CTR9: variants seen among roughly 807,000 people sequenced by gnomAD.
CTR9 encodes the protein RNA polymerase-associated protein CTR9 homolog.
In CTR9, 41 loss-of-function variants were observed where a neutral mutation model predicts 152.1. The observed-to-expected ratio is 0.27, with a 90% CI of 0.21 to 0.35. CTR9 has a LOEUF of 0.35. Among genes scored for constraint, CTR9 ranks in the 10% least tolerant of loss-of-function variants. CTR9 has a pLI of 1.00. For synonymous variants in CTR9, 476 were observed against 496.2 expected, an observed-to-expected ratio of 0.96 and a Z score of 0.54; for missense variants, 917 against 1,424.4, an observed-to-expected ratio of 0.64 and a Z score of 5.73.
At position 10,752,789 on chromosome 11, in the gene CTR9, A is replaced by G. The variant is rs1269116718; in HGVS notation, c.144+19A>G. 6.3e-7 allele frequency: 1 copy of G among 1,583,426 alleles called. No homozygotes were observed. The highest frequency in any genetic ancestry group is 1.7e-5 in the Admixed American group (1 of 58,752). ...TTTGGCGGTCAGTATTCATGTAGCA[A>G]ATATTTTTTATTTGTTGACTAGGAA... On this transcript the variant is annotated intron_variant, in intron 2 of 24. Transcript: ENST00000361367.
chr11:10,752,567 C>T (rs1382575611), intron 1 of CTR9, 105 bp from the exon 2 acceptor site: 4 of 761,530 alleles, frequency 5.3e-6, no homozygotes, highest in East Asian at 2.5e-5. Flanking sequence ...AAAGTGAACA[C>T]GTACTCTATG....
intron 9 of CTR9, 88 bp downstream of exon 9, chr11:10,763,967 A>G: frequency 2.3e-6 from 3 of 1,328,758 alleles, no homozygotes; most frequent in South Asian, 1.3e-5. Flanking sequence ...TAGTAGAAAT[A>G]TGATAGAAAC....
In CTR9 at chr11:10,779,262, T is replaced by C; in HGVS notation, c.*157T>C. On this transcript the variant is annotated 3_prime_UTR_variant, in exon 25 of 25. Transcript: ENST00000361367. ...TATATTACTAAGCCCCAAGAGACATTTCCTGTGCTAGAGTCCAATATTTGA... is the reference window on the plus strand; with the variant it reads ...TATATTACTAAGCCCCAAGAGACATCTCCTGTGCTAGAGTCCAATATTTGA... 1 of 686,178 alleles carries C rather than the reference T, an allele frequency of 1.5e-6. No homozygotes were observed. The highest frequency in any genetic ancestry group is 2.4e-6 in the Non-Finnish European group (1 of 420,480). The allele number at this position is 686,178 out of a possible 1,614,324, so 42.5% of individuals were successfully genotyped here. A position where few individuals can be genotyped will look rare whatever the true frequency, so the allele number is the denominator to read the frequency against.
At chr11:10,756,334 C>G (rs1221286074) in intron 4 of CTR9, among the ~76,000 whole-genome samples, 3 of 152,096 alleles carry the variant, frequency 2.0e-5, no homozygotes, top group Admixed American at 1.3e-4. Flanking sequence ...GTTTGTTGTG[C>G]AGGTTATTTC....
At chr11:10,773,669 C>CT (rs1177005727) in intron 21 of CTR9, among the ~76,000 whole-genome samples, 1 of 152,056 alleles carries the variant, frequency 6.6e-6, no homozygotes, top group African/African-American at 2.4e-5. Context: ...GGGCAGATCA[C>CT]TTGAGGTCAG....
At chr11:10,754,765 C>T (rs1389590241) in intron 2 of CTR9, among the ~76,000 whole-genome samples, 193 bp from the exon 3 acceptor site, 1 of 152,180 alleles carries the variant, frequency 6.6e-6, no homozygotes, top group Non-Finnish European at 1.5e-5. Context: ...ATCAGTAGTT[C>T]ATTCCTTTTC....
In CTR9 at chr11:10,764,722, T is replaced by G; in HGVS notation, c.1588T>G (p.Tyr530Asp). ...YKNILREHPN[Y>D]VDCYLRLGAM... ...AAACATCTTACGCGAACATCCTAAT[T>G]ATGTTGACTGTAAGGATTTTAAACT... The change falls in exon 12 of 25, where the codon TAT becomes GAT. Residue 530 changes from tyrosine (Y) to aspartate (D), a missense_variant. Physicochemically the swap from Tyr to Asp is radical, Grantham distance 160. This residue lies in a region of CTR9 where 87 missense variants were observed against 235.7 expected (regional missense o/e 0.37). Coordinates refer to ENST00000361367, the MANE Select transcript of CTR9 (RefSeq NM_014633.5). 6.3e-7 allele frequency: 1 copy of G among 1,594,458 alleles called. No homozygotes were observed.
At chr11:10,756,599 T>C in intron 4 of CTR9, 150 bp from the exon 5 acceptor site, 1 of 539,910 alleles carries the variant, frequency 1.9e-6, no homozygotes. Context: ...TATACTTTTA[T>C]GAAAAACAAA....
rs769380420 is a variant in CTR9, at chr11:10,768,416, A to G, written c.2034A>G (p.Ala678=). Residue 678 remains alanine (A), a synonymous_variant, in exon 16 of 25, where the codon GCA becomes GCG. Transcript: ENST00000361367. ...TTGCCCAAGTAAGAGAAGCAACAGC[A>G]GATATTAGTGATGTGTGGCTGAACT... ...DVFAQVREAT[A]DISDVWLNLA... is the part of the protein sequence containing the mutation. 1.4e-5 allele frequency: 22 copies of G among 1,614,038 alleles called. No homozygotes were observed. The Admixed American group carries it at 3.3e-4, about 24-fold the overall frequency.
Position 10,770,206 on chromosome 11 carries a change from G to A in CTR9, c.2110-4G>A. On this transcript the variant is annotated splice_region_variant and splice_polypyrimidine_tract_variant and intron_variant, in intron 16 of 24. Coordinates refer to ENST00000361367, the MANE Select transcript of CTR9 (RefSeq NM_014633.5). ...TTTTAATTAACTTTTTTCTTTTACT[G>A]TAGTATGAAAACTGCCTCCGAAAGT... 3.1e-6 allele frequency: 5 copies of A among 1,588,210 alleles called. No individual in the cohort carries two copies. The highest frequency in any genetic ancestry group is 1.8e-5 in the Admixed American group (1 of 54,926).
In CTR9 at chr11:10,763,626, T is replaced by A. The variant is rs373492280; in HGVS notation, c.958-17T>A. 6.0e-5 allele frequency: 95 copies of A among 1,584,948 alleles called. No homozygotes were observed. The highest frequency in any genetic ancestry group is 1.7e-4 in the Middle Eastern group (1 of 5,922). The stretch of plus-strand genomic sequence containing the variant: ...TACTTTTGTACATATTGGTCTTTTT[T>A]AATTTTCATTCTTTAGGAAGATTAT... On this transcript the variant is annotated splice_polypyrimidine_tract_variant and intron_variant, in intron 8 of 24. Transcript: ENST00000361367.
In CTR9 at chr11:10,772,462, G is replaced by C. The variant is rs953466113; in HGVS notation, c.2445-58G>C. 1.6e-5 allele frequency: 21 copies of C among 1,313,660 alleles called. No homozygotes were observed. In the African/African-American group the frequency reaches 3.2e-4, roughly 20 times the overall value. 81.4% of individuals were successfully genotyped at this position (1,313,660 alleles called of 1,614,324 possible). A position where few individuals can be genotyped will look rare whatever the true frequency, so the allele number is the denominator to read the frequency against. On this transcript the variant is annotated intron_variant, in intron 19 of 24. Transcript: ENST00000361367. Reference sequence around the variant, plus strand: ...TAATTTGTATAAGGAAAATAGATGTGCTGAGTTTTTTAATATAGTAGTTAC... The same window carrying C: ...TAATTTGTATAAGGAAAATAGATGTCCTGAGTTTTTTAATATAGTAGTTAC...
At position 10,770,650 on chromosome 11, in the gene CTR9, A is replaced by G. The variant is rs764967582; in HGVS notation, c.2372+18A>G. On this transcript the variant is annotated intron_variant, in intron 18 of 24. Coordinates refer to ENST00000361367, the MANE Select transcript of CTR9 (RefSeq NM_014633.5). ...GCACATAGGTAAAGATTTTGTAGAA[A>G]CAACCTATGAAATGCTTTATTTGGT... 1.3e-6 allele frequency: 2 copies of G among 1,599,630 alleles called. No homozygotes were observed. The highest frequency in any genetic ancestry group is 1.1e-5 in the South Asian group (1 of 89,230).
chr11:10,753,887 G>C (rs1174452144), intron 2 of CTR9, among the ~76,000 whole-genome samples: 2 of 152,052 alleles, frequency 1.3e-5, no homozygotes, highest in Non-Finnish European at 2.9e-5. Context: ...CTAGCTATGT[G>C]ACCTTAGACA....
chr11:10,773,238 A>G lies in CTR9; in HGVS notation c.2692A>G (p.Thr898Ala), dbSNP rs900956132. ...ILMFTGETEATKEKKRGGGGG... is the reference protein window; with the variant it reads ...ILMFTGETEAAKEKKRGGGGG... ...TATGTTTACTGGTGAGACTGAAGCAACAAAAGAGAAGAAAAGAGGTGGTGG... is the reference window on the plus strand; with the variant it reads ...TATGTTTACTGGTGAGACTGAAGCAGCAAAAGAGAAGAAAAGAGGTGGTGG... The change falls in exon 21 of 25, where the codon ACA (threonine) becomes GCA (alanine). Residue 898 changes from threonine to alanine, a missense_variant. Physicochemically the swap from Thr to Ala is moderately conservative, Grantham distance 58 (BLOSUM62 0). This residue lies in a region of CTR9 where 384 missense variants were observed against 398.4 expected (regional missense o/e 0.96). Transcript: ENST00000361367. The G allele has an allele frequency of 6.2e-7, 1 of 1,613,368 alleles. No individual in the cohort carries two copies. The highest frequency in any genetic ancestry group is 1.1e-5 in the South Asian group (1 of 90,854).
At position 10,774,038 on chromosome 11, in the gene CTR9, T is replaced by A; in HGVS notation, c.2754T>A (p.Asp918Glu). 1.2e-6 allele frequency: 2 copies of A among 1,612,692 alleles called. No homozygotes were observed. Among genetic ancestry groups the A allele is most frequent in the Non-Finnish European group, 1.7e-6 (2 of 1,179,446 alleles). ...GRRSKKGGEF[D>E]EFVNDDTDDD... ...GTTCTAAGAAGGGAGGAGAGTTTGA[T>A]GAATTTGTCAATGATGACACTGATG... The change falls in exon 22 of 25, where the codon GAT becomes GAA. Residue 918 changes from aspartate to glutamate, a missense_variant. Around this residue, in one of 9 missense-constraint regions of CTR9, gnomAD observed 384 missense variants for 398.4 expected, o/e 0.96. Transcript: ENST00000361367.
At chr11:10,758,238 C>G (rs1230432339) in intron 5 of CTR9, among the ~76,000 whole-genome samples, 2 of 152,026 alleles carry the variant, frequency 1.3e-5, no homozygotes, top group Non-Finnish European at 2.9e-5. Flanking sequence ...GTGATCTGAC[C>G]TATATTTAAA....
rs1863026298 is a variant in CTR9, at chr11:10,764,365, G to A, written c.1342G>A (p.Asp448Asn). The stretch of plus-strand genomic sequence containing the variant: ...AATCCTTCAGGAGAAAGTGCAGGCC[G>A]ATGTTCCTCCAGAGATTCTCAATAA... Reference protein sequence around the residue: ...TRILQEKVQADVPPEILNNVG... With the variant: ...TRILQEKVQANVPPEILNNVG... Residue 448 changes from aspartate to asparagine, a missense_variant, in exon 11 of 25, where the codon GAT (aspartate) becomes AAT (asparagine). Coordinates refer to ENST00000361367, the MANE Select transcript of CTR9 (RefSeq NM_014633.5). 6.2e-7 allele frequency: 1 copy of A among 1,614,062 alleles called. No homozygotes were observed. Among genetic ancestry groups the A allele is most frequent in the Non-Finnish European group, 8.5e-7 (1 of 1,179,986 alleles).
chr11:10,762,042 T>C lies in CTR9; in HGVS notation c.837T>C (p.Phe279=), dbSNP rs1357487119. Residue 279 remains phenylalanine (F), a synonymous_variant, in exon 7 of 25, where the codon TTT becomes TTC. Coordinates refer to ENST00000361367, the MANE Select transcript of CTR9 (RefSeq NM_014633.5). ...TATTGAACCATTTGGCAAATCACTT[T>C]TTCTTCAAAAAGGTAGAAGTCATTT... ...PMVLNHLANH[F]FFKKDYSKVQ... 6.3e-7 allele frequency: 1 copy of C among 1,592,728 alleles called. No individual in the cohort carries two copies. Among genetic ancestry groups the C allele is most frequent in the Admixed American group, 1.7e-5 (1 of 57,336 alleles).
Sources: gnomAD v4.1 joint callset for allele counts (sites outside exome capture counted in the v4.1 genomes callset) on GRCh38, gnomAD v4.1.1 for gene constraint, gnomAD v4.1.1 regional missense constraint, MANE v1.5 for transcripts, NCBI Gene and HGNC (gene_info 2026-07-23, HGNC 2026-07-21) for gene names.